Variants in NT5C3B observed in about 807,000 individuals in gnomAD.
NT5C3B encodes 7-methylguanosine phosphate-specific 5'-nucleotidase.
NT5C3B carries 28 observed loss-of-function variants against 32.5 expected under a neutral mutation model. The ratio of observed to expected loss-of-function variants is 0.86; its 90% CI spans 0.64 to 1.18. The LOEUF (loss-of-function observed/expected upper bound fraction) is 1.18, where lower values mean the gene tolerates loss of function less well. NT5C3B is among the 50% of genes most tolerant of loss of function. The pLI is 0.00. For synonymous variants in NT5C3B, 138 were observed against 118.0 expected, an observed-to-expected ratio of 1.17 and a Z score of -1.10; for missense variants, 317 against 322.0, an observed-to-expected ratio of 0.98 and a Z score of 0.12.
At chr17:41,834,393 TACACACACACACACAC>T (rs56965181) in intron 4 of NT5C3B, among the ~76,000 whole-genome samples, 5 of 139,716 alleles carry the variant, frequency 3.6e-5, no homozygotes, top group African/African-American at 8.1e-5. Context: ...AAAAAAAAAA[TACACACACACACACAC>T]ACACACACAC....
chr17:41,835,385 G>A (rs2048130872), intron 2 of NT5C3B, 113 bp from the exon 3 acceptor site: 1 of 875,472 alleles, frequency 1.1e-6, no homozygotes, highest in East Asian at 2.6e-5. Flanking sequence ...CCAGGATGTA[G>A]GCAAAGCCCT....
chr17:41,826,631 C>T (rs1055054160), intron 8 of NT5C3B, among the ~76,000 whole-genome samples: 1 of 151,800 alleles, frequency 6.6e-6, no homozygotes, highest in Non-Finnish European at 1.5e-5. Flanking sequence ...GAGCCGAGAT[C>T]GTGCCACTGC....
At position 41,828,820 on chromosome 17, in the gene NT5C3B, G is replaced by T; in HGVS notation, c.537C>A (p.Ile179=). ...CATTAAAATCCATGTAGTTAGACAC[G>T]ATGTGGATGTTGGGGTGGAACACTT... ...QMKVFHPNIH[I]VSNYMDFNED... Residue 179 remains isoleucine, a synonymous_variant, in exon 7 of 9, where the codon ATC becomes ATA. Transcript: ENST00000435506. The T allele has an allele frequency of 6.2e-7, 1 of 1,613,972 alleles. No homozygotes were observed. The highest frequency in any genetic ancestry group is 8.5e-7 in the Non-Finnish European group (1 of 1,179,914).
Position 41,828,614 on chromosome 17 carries a change from G to A in NT5C3B, c.567+176C>T, listed in dbSNP as rs1454820487. On this transcript the variant is annotated intron_variant, in intron 7 of 8. Coordinates refer to ENST00000435506, the MANE Select transcript of NT5C3B (RefSeq NM_052935.5). ...GGCCTCCCAAAGTGCTAGGATTACA[G>A]GTCTGAGCCACCGCGCCTGGCCAAA... 4 of 603,128 alleles carry A rather than the reference G, an allele frequency of 6.6e-6. No homozygotes were observed. In the East Asian group the frequency reaches 1.1e-4, roughly 16 times the overall value. 37.4% of individuals were successfully genotyped at this position (603,128 alleles called of 1,614,324 possible).
Position 41,828,886 on chromosome 17 carries a change from C to T in NT5C3B, c.471G>A (p.Ala157=), listed in dbSNP as rs782680608. The change falls in exon 7 of 9, where the codon GCG becomes GCA. Residue 157 remains alanine (A), a synonymous_variant. Coordinates refer to ENST00000435506, the MANE Select transcript of NT5C3B (RefSeq NM_052935.5). The part of the protein sequence containing the change: ...HNNIPLFIFS[A]GIGDILEEII... The stretch of plus-strand genomic sequence containing the variant: ...TTTCTTCCAGGATATCACCAATGCC[C>T]GCAGAAAAGATGAAAAGGGGAATGT... 8.9e-5 allele frequency: 143 copies of T among 1,613,632 alleles called. No homozygotes were observed. Among genetic ancestry groups the T allele is most frequent in the Non-Finnish European group, 1.1e-4 (132 of 1,179,732 alleles).
chr17:41,832,417 C>T lies in NT5C3B; in HGVS notation c.289G>A (p.Glu97Lys). Residue 97 changes from glutamate (E) to lysine (K), a missense_variant, in exon 5 of 9, where the codon GAG (glutamate) becomes AAG (lysine). Physicochemically the swap from Glu to Lys is moderately conservative, Grantham distance 56. Transcript: ENST00000435506. ...CATTCCACCATATGAGGTAGCTTCT[C>T]CTTGACGGTCCGGTGTGGGTCGATC... ...IEIDPHRTVK[E>K]KLPHMVEWWT... 6.2e-7 allele frequency: 1 copy of T among 1,613,796 alleles called. No homozygotes were observed. Among genetic ancestry groups the T allele is most frequent in the South Asian group, 1.1e-5 (1 of 91,072 alleles).
Position 41,835,899 on chromosome 17 carries a change from A to G in NT5C3B, c.71T>C (p.Ile24Thr). Reference protein sequence around the residue: ...LMRQPGRVQEIVGALRKGGGD... With the variant: ...LMRQPGRVQETVGALRKGGGD... ...GCCGCCCTTGCGGAGGGCGCCCACG[A>G]TCTCCTGCACCCGCCCAGGCTGCCG... is the stretch of plus-strand genomic sequence containing the variant. The change falls in exon 2 of 9, where the codon ATC (isoleucine) becomes ACC (threonine). Residue 24 changes from isoleucine (I) to threonine (T), a missense_variant. Transcript: ENST00000435506. 6.2e-7 allele frequency: 1 copy of G among 1,609,026 alleles called. No individual in the cohort carries two copies. Among genetic ancestry groups the G allele is most frequent in the Non-Finnish European group, 8.5e-7 (1 of 1,178,636 alleles).
At chr17:41,836,118 C>T in intron 1 of NT5C3B, 64 bp downstream of exon 1, 1 of 1,329,400 alleles carries the variant, frequency 7.5e-7, no homozygotes, top group Non-Finnish European at 9.6e-7. Context: ...AGCTGGGGGG[C>T]TCGAAGCGCC....
intron 5 of NT5C3B, among the ~76,000 whole-genome samples, chr17:41,832,177 C>T (rs374396417): frequency 2.6e-5 from 4 of 152,282 alleles, no homozygotes; most frequent in African/African-American, 9.6e-5. Flanking sequence ...TAACTTATTC[C>T]AAGGATTCTC....
In NT5C3B at chr17:41,830,813, T is replaced by C. The variant is rs782344608; in HGVS notation, c.392A>G (p.Asn131Ser). Reference protein sequence around the residue: ...FQIAQVVRESNAMLREGYKTF... With the variant: ...FQIAQVVRESSAMLREGYKTF... The stretch of plus-strand genomic sequence containing the variant: ...GCAAGACGCTTACCTGAGCATTGCA[T>C]TGGACTCTCTAACCACCTGGGCTAT... Residue 131 changes from asparagine to serine, a missense_variant, in exon 6 of 9, where the codon AAT becomes AGT. Physicochemically the swap from Asn to Ser is conservative, Grantham distance 46. Coordinates refer to ENST00000435506, the MANE Select transcript of NT5C3B (RefSeq NM_052935.5). 36 of 1,604,450 alleles carry C rather than the reference T, an allele frequency of 2.2e-5. 1 individual carries two copies. Among genetic ancestry groups the C allele is most frequent in the Admixed American group, 1.7e-4 (10 of 59,956 alleles).
intron 5 of NT5C3B, 21 bp downstream of exon 5, chr17:41,832,371 T>C (rs2048065987): frequency 6.2e-7 from 1 of 1,610,058 alleles, no homozygotes. Context: ...CCAGAAGCTT[T>C]TCTCCACCAC....
chr17:41,831,863 T>G (rs2048057451), intron 5 of NT5C3B, among the ~76,000 whole-genome samples: 1 of 152,070 alleles, frequency 6.6e-6, no homozygotes, highest in Admixed American at 6.6e-5. Flanking sequence ...GAAAATAGCC[T>G]GGGTAACATG....
chr17:41,828,744 G>A lies in NT5C3B; in HGVS notation c.567+46C>T, dbSNP rs1485858318. 1.9e-6 allele frequency: 3 copies of A among 1,568,588 alleles called. No individual in the cohort carries two copies. In the African/African-American group the frequency reaches 4.0e-5, roughly 21 times the overall value. The stretch of plus-strand genomic sequence containing the variant: ...GCAGAGTTAACTGCCCTGGCTGGTG[G>A]TCCCCACCCCTCGTCCTTTCCCAGC... On this transcript the variant is annotated intron_variant, in intron 7 of 8. Transcript: ENST00000435506.
chr17:41,834,393 TACACAC>T (rs56965181), intron 4 of NT5C3B, among the ~76,000 whole-genome samples: 19,359 of 139,678 alleles, frequency 0.14, 1,494 homozygotes, highest in East Asian at 0.18. Flanking sequence ...AAAAAAAAAA[TACACAC>T]ACACACACAC....
At chr17:41,835,797 A>G (rs1391778935) in intron 2 of NT5C3B, 62 bp downstream of exon 2, 21 of 1,461,722 alleles carry the variant, frequency 1.4e-5, no homozygotes, top group Admixed American at 7.8e-5. Flanking sequence ...GGAAGGCCCA[A>G]TGGGCAGGAA....
chr17:41,832,817 AAG>A, intron 4 of NT5C3B: 1 of 195,046 alleles, frequency 5.1e-6, no homozygotes, highest in Non-Finnish European at 1.1e-5. Flanking sequence ...GCAGTGAGCC[AAG>A]ACGAGATCAC....
At position 41,833,403 on chromosome 17, in the gene NT5C3B, G is replaced by A. The variant is rs902776211; in HGVS notation, c.229-926C>T. Among the ~76,000 whole-genome samples the A allele has an allele frequency of 5.3e-5, 8 of 151,690 alleles. No individual in the cohort carries two copies. In the East Asian group the frequency reaches 5.8e-4, roughly 11 times the overall value. ...GCAATCTCGGCTCACTGCAACCTCC[G>A]CCTCCCGGGTTCGAGCAATTCTTCT... On this transcript the variant is annotated intron_variant, in intron 4 of 8. Coordinates refer to ENST00000435506, the MANE Select transcript of NT5C3B (RefSeq NM_052935.5).
chr17:41,826,333 C>A (rs1272871130), intron 8 of NT5C3B, among the ~76,000 whole-genome samples: 1 of 152,144 alleles, frequency 6.6e-6, no homozygotes, highest in Non-Finnish European at 1.5e-5. Context: ...AAGTGATCTT[C>A]CTGCCTCAGC....
At position 41,835,997 on chromosome 17, in the gene NT5C3B, C is replaced by T. The variant is rs917336884; in HGVS notation, c.13-40G>A. On this transcript the variant is annotated intron_variant, in intron 1 of 8. Transcript: ENST00000435506. ...GAGAGAACCACTGACCCCTGCGCCACGCTGGGCCCGAGGGGAGCCCGGGGC... is the reference window on the plus strand; with the variant it reads ...GAGAGAACCACTGACCCCTGCGCCATGCTGGGCCCGAGGGGAGCCCGGGGC... 3.3e-6 allele frequency: 5 copies of T among 1,513,572 alleles called. No homozygotes were observed. The African/African-American group carries it at 5.6e-5, about 17-fold the overall frequency. 93.8% of individuals were successfully genotyped at this position (1,513,572 alleles called of 1,614,324 possible). A position where few individuals can be genotyped will look rare whatever the true frequency, so the allele number is the denominator to read the frequency against.
Sources: allele counts gnomAD v4.1 joint callset (sites outside exome capture counted in the v4.1 genomes callset), GRCh38; gene constraint gnomAD v4.1.1; transcripts MANE v1.5; gene names NCBI Gene and HGNC (gene_info 2026-07-23, HGNC 2026-07-21).